The following SUSD4 variants were observed in gnomAD, a reference collection of about 807,000 sequenced individuals.
SUSD4 encodes the protein sushi domain-containing protein 4.
In SUSD4, 41 loss-of-function variants were observed where a neutral mutation model predicts 50.5. That is an observed-to-expected ratio of 0.81 (90% CI 0.63 to 1.05). The LOEUF is 1.05. SUSD4 is among the 50% of genes least tolerant of loss of function. The pLI is 0.00. For missense variants in SUSD4, 580 were observed against 634.7 expected (o/e 0.91, Z 0.93); for synonymous variants, 257 against 257.3 (o/e 1.00, Z 0.01).
At chr1:223,241,148 G>GGCT (rs1660553386) in intron 5 of SUSD4, among the ~76,000 whole-genome samples, 1 of 152,186 alleles carries the variant, frequency 6.6e-6, no homozygotes, top group Admixed American at 6.5e-5. Context: ...TTTTGGCTGT[G>GGCT]GTTAGCAAGT....
chr1:223,258,612 T>C (rs1661870826), intron 5 of SUSD4, among the ~76,000 whole-genome samples: 1 of 152,014 alleles, frequency 6.6e-6, no homozygotes, highest in Admixed American at 6.6e-5. Flanking sequence ...GGGGGTCGGG[T>C]TTACTGGTTC....
intron 2 of SUSD4, among the ~76,000 whole-genome samples, chr1:223,326,755 C>T (rs560159149): frequency 1.3e-5 from 2 of 152,216 alleles, no homozygotes; most frequent in South Asian, 2.1e-4. Flanking sequence ...TGCTAAACAT[C>T]ACCAATCATC....
intron 2 of SUSD4, among the ~76,000 whole-genome samples, chr1:223,345,702 T>C (rs1190347305): frequency 1.3e-5 from 2 of 152,214 alleles, no homozygotes; most frequent in Non-Finnish European, 2.9e-5. Context: ...ATGTCAAAAT[T>C]TAAGTATCTT....
chr1:223,322,976 G>A (rs1666666738), intron 2 of SUSD4, among the ~76,000 whole-genome samples: 1 of 152,228 alleles, frequency 6.6e-6, no homozygotes, highest in African/African-American at 2.4e-5. Context: ...ACAGAGGAAA[G>A]CAGGATATGA....
chr1:223,276,969 A>G (rs1428772541), intron 3 of SUSD4, among the ~76,000 whole-genome samples: 2 of 152,232 alleles, frequency 1.3e-5, no homozygotes, highest in Non-Finnish European at 2.9e-5. Context: ...AAGCCTCTGG[A>G]GCTAGAAGAC....
At chr1:223,222,992 A>G (rs851151) in intron 8 of SUSD4, among the ~76,000 whole-genome samples, 7,497 of 152,288 alleles carry the variant, frequency 0.049, 407 homozygotes, top group African/African-American at 0.13. Context: ...GGATGGCTCG[A>G]TGCCTTTTGG....
intron 2 of SUSD4, among the ~76,000 whole-genome samples, chr1:223,307,814 T>C (rs1302439790): frequency 6.6e-6 from 1 of 152,202 alleles, no homozygotes; most frequent in East Asian, 1.9e-4. Flanking sequence ...TGGGTTTTGT[T>C]GTTGTTGTCG....
At position 223,229,108 on chromosome 1, in the gene SUSD4, G is replaced by T; in HGVS notation, c.916+89C>A. 1 of 1,321,370 alleles carries T rather than the reference G, an allele frequency of 7.6e-7. No homozygotes were observed. Among genetic ancestry groups the T allele is most frequent in the Non-Finnish European group, 1.0e-6 (1 of 957,894 alleles). 81.9% of individuals were successfully genotyped at this position (1,321,370 alleles called of 1,614,324 possible). A position where few individuals can be genotyped will look rare whatever the true frequency, so the allele number is the denominator to read the frequency against. On this transcript the variant is annotated intron_variant, in intron 6 of 8. Coordinates refer to ENST00000366878, the MANE Select transcript of SUSD4 (RefSeq NM_017982.4). The surrounding 1 kb of genome is among the most constrained non-coding windows in gnomAD (Gnocchi z 4.7). Reference sequence around the variant, plus strand: ...TCCTGACACTGGGTGGGGGAGGAGAGATACAGCTTGGTACATAACCACCAC... The same window carrying T: ...TCCTGACACTGGGTGGGGGAGGAGATATACAGCTTGGTACATAACCACCAC...
intron 8 of SUSD4, among the ~76,000 whole-genome samples, chr1:223,222,958 C>A (rs574252341): frequency 2.0e-5 from 3 of 152,286 alleles, no homozygotes; most frequent in African/African-American, 7.2e-5. Context: ...AATGAAGCAC[C>A]GGCCACTGCT....
chr1:223,297,689 C>A (rs1664916858), intron 2 of SUSD4, among the ~76,000 whole-genome samples: 2 of 152,230 alleles, frequency 1.3e-5, no homozygotes, highest in Admixed American at 6.5e-5. Flanking sequence ...GCAACCTGGG[C>A]TCACCTCTCT....
intron 2 of SUSD4, among the ~76,000 whole-genome samples, chr1:223,315,101 C>G (rs919240254): frequency 6.6e-6 from 1 of 152,182 alleles, no homozygotes; most frequent in Admixed American, 6.5e-5. Flanking sequence ...ATGGCTGACC[C>G]CATCTTGCTT....
chr1:223,354,486 C>T (rs911222650), intron 2 of SUSD4, among the ~76,000 whole-genome samples: 1 of 152,172 alleles, frequency 6.6e-6, no homozygotes, highest in Non-Finnish European at 1.5e-5. Flanking sequence ...CAGACCATAT[C>T]GTTCTAAATC....
Position 223,307,156 on chromosome 1 carries a change from C to T in SUSD4, c.149-14505G>A, listed in dbSNP as rs1572025246. Among the ~76,000 whole-genome samples, 10 of 152,312 alleles carry T rather than the reference C, an allele frequency of 6.6e-5. No individual in the cohort carries two copies. The East Asian group carries it at 1.7e-3, about 26-fold the overall frequency. The stretch of plus-strand genomic sequence containing the variant: ...GATTACAGGCGTGAGCCACCACATC[C>T]AGCCAGTCTCTTCTTGAAAAAACCT... On this transcript the variant is annotated intron_variant, in intron 2 of 8. Coordinates refer to ENST00000366878, the MANE Select transcript of SUSD4 (RefSeq NM_017982.4).
At chr1:223,362,997 T>A (rs1228194507) in intron 2 of SUSD4, among the ~76,000 whole-genome samples, 1 of 131,478 alleles carries the variant, frequency 7.6e-6, no homozygotes, top group Non-Finnish European at 1.6e-5. Context: ...GGGCCAGGCT[T>A]TATTGTCTTT....
chr1:223,283,906 A>G (rs557247275), intron 3 of SUSD4, among the ~76,000 whole-genome samples: 17 of 152,352 alleles, frequency 1.1e-4, no homozygotes, highest in African/African-American at 4.1e-4. Context: ...CAGCCATAAA[A>G]AAGGATGAGT....
chr1:223,246,888 T>C lies in SUSD4; in HGVS notation c.725-17500A>G, dbSNP rs538519941. On this transcript the variant is annotated intron_variant, in intron 5 of 8. Coordinates refer to ENST00000366878, the MANE Select transcript of SUSD4 (RefSeq NM_017982.4). ...AAAACCAGTGTGTGCCTTGCAACTATCCATACAAATAACTCCAGGGCATGG... is the reference window on the plus strand; with the variant it reads ...AAAACCAGTGTGTGCCTTGCAACTACCCATACAAATAACTCCAGGGCATGG... 1.6e-4 allele frequency among the ~76,000 whole-genome samples: 24 copies of C among 152,288 alleles called. No individual in the cohort carries two copies. The East Asian group carries it at 4.0e-3, about 26-fold the overall frequency.
Position 223,346,985 on chromosome 1 carries a change from TA to T in SUSD4, c.148+16292del, listed in dbSNP as rs571689559. Among the ~76,000 whole-genome samples the T allele has an allele frequency of 1.5e-4, 23 of 152,330 alleles. No individual in the cohort carries two copies. The East Asian group carries it at 1.9e-3, about 13-fold the overall frequency. On this transcript the variant is annotated intron_variant, in intron 2 of 8. Transcript: ENST00000366878. ...CTTCGTCCTGTTGAAATTTCACAAA[TA>T]TTTTTTTTCATTCAACAAATGTCTA... is the stretch of plus-strand genomic sequence containing the variant.
At chr1:223,224,613 T>G (rs1312609403) in intron 7 of SUSD4, among the ~76,000 whole-genome samples, 1 of 152,212 alleles carries the variant, frequency 6.6e-6, no homozygotes, top group Non-Finnish European at 1.5e-5. Context: ...CCCGGGTTGC[T>G]GGTGTGAGGG....
At chr1:223,291,162 C>T (rs1352588658) in intron 3 of SUSD4, among the ~76,000 whole-genome samples, 2 of 152,074 alleles carry the variant, frequency 1.3e-5, no homozygotes, top group African/African-American at 4.8e-5. Context: ...CTATCCTTTA[C>T]AATTTCCAGA....
Sources: gnomAD v4.1 joint callset for allele counts (sites outside exome capture counted in the v4.1 genomes callset) on GRCh38, gnomAD v4.1.1 for gene constraint, Gnocchi (gnomAD v3.1) non-coding constraint, MANE v1.5 for transcripts, NCBI Gene and HGNC (gene_info 2026-07-23, HGNC 2026-07-21) for gene names.